The following PTPN4 variants were observed in gnomAD, a reference collection of about 807,000 sequenced individuals.
The protein encoded by PTPN4 is tyrosine-protein phosphatase non-receptor type 4.
In PTPN4, 49 loss-of-function variants were observed where a neutral mutation model predicts 135.5. The ratio of observed to expected loss-of-function variants is 0.36; its 90% confidence interval spans 0.29 to 0.46. The LOEUF (loss-of-function observed/expected upper bound fraction) is 0.46. Ranked by LOEUF, PTPN4 falls within the 20% of genes least tolerant of loss-of-function variation. PTPN4 has a pLI of 1.00. For missense variants in PTPN4, 860 were observed against 1,101.0 expected, an observed-to-expected ratio of 0.78 and a Z score of 3.10; for synonymous variants, 333 against 369.9, an observed-to-expected ratio of 0.90 and a Z score of 1.14.
At chr2:119,915,382 CTTG>C (rs1237261525) in intron 11 of PTPN4, 140 bp downstream of exon 11, 1 of 559,668 alleles carries the variant, frequency 1.8e-6, no homozygotes, top group Non-Finnish European at 2.9e-6. Flanking sequence ...AATGAATTCA[CTTG>C]TTATAACAAA....
intron 10 of PTPN4, among the ~76,000 whole-genome samples, chr2:119,904,521 G>A (rs770066393): frequency 3.3e-5 from 5 of 151,874 alleles, no homozygotes; most frequent in Non-Finnish European, 5.9e-5. Context: ...CTTGCAAGAC[G>A]TAGAGACGTT....
intron 1 of PTPN4, among the ~76,000 whole-genome samples, chr2:119,776,565 C>T (rs1013260189): frequency 3.9e-5 from 6 of 152,074 alleles, no homozygotes; most frequent in African/African-American, 1.4e-4. Flanking sequence ...GCCTGCCTCT[C>T]CTGCTTCCCC....
chr2:119,949,692 A>G (rs533679885), intron 18 of PTPN4, among the ~76,000 whole-genome samples: 1 of 152,218 alleles, frequency 6.6e-6, no homozygotes, highest in Admixed American at 6.5e-5. Context: ...AAAATTTTTA[A>G]ATTCACCAGA....
At chr2:119,790,344 A>G (rs1300583647) in intron 1 of PTPN4, among the ~76,000 whole-genome samples, 1 of 151,984 alleles carries the variant, frequency 6.6e-6, no homozygotes, top group Non-Finnish European at 1.5e-5. Flanking sequence ...TCTCCCTTCA[A>G]TTCTGTCAGT....
intron 2 of PTPN4, among the ~76,000 whole-genome samples, chr2:119,836,853 G>A (rs1370991590): frequency 6.6e-6 from 1 of 152,212 alleles, no homozygotes; most frequent in Admixed American, 6.5e-5. Context: ...TTCTGCCTCG[G>A]CCCCCTCTGG....
intron 10 of PTPN4, among the ~76,000 whole-genome samples, chr2:119,910,905 C>T (rs940259508): frequency 6.6e-5 from 10 of 152,038 alleles, no homozygotes; most frequent in African/African-American, 2.4e-4. Flanking sequence ...TGGACTAATA[C>T]AAGTACCATT....
chr2:119,787,923 G>A (rs867484356), intron 1 of PTPN4, among the ~76,000 whole-genome samples: 22 of 152,258 alleles, frequency 1.4e-4, no homozygotes, highest in Middle Eastern at 3.4e-3. Context: ...ACTAGTATTA[G>A]ACATTTTAGG....
At chr2:119,803,025 G>A (rs887845716) in intron 1 of PTPN4, among the ~76,000 whole-genome samples, 3 of 152,138 alleles carry the variant, frequency 2.0e-5, no homozygotes, top group Non-Finnish European at 4.4e-5. Flanking sequence ...TGGTTGCAAA[G>A]TCTATGTGGT....
intron 22 of PTPN4, 148 bp downstream of exon 22, chr2:119,957,225 A>G (rs2105056189): frequency 1.3e-6 from 1 of 749,484 alleles, no homozygotes; most frequent in East Asian, 2.8e-5. Context: ...TAAAGAAAAT[A>G]TTTTGGTACT....
intron 1 of PTPN4, among the ~76,000 whole-genome samples, chr2:119,776,734 C>T (rs182530255): frequency 6.6e-6 from 1 of 152,226 alleles, no homozygotes; most frequent in Admixed American, 6.5e-5. Context: ...ATTTTCTCTT[C>T]GTTAGGATTC....
rs939884414 is a variant in PTPN4, at chr2:119,980,904, T to A, written c.*3834T>A. The A allele has an allele frequency of 1.3e-5, 2 of 152,062 alleles. No homozygotes were observed. The highest frequency in any genetic ancestry group is 2.9e-5 in the Non-Finnish European group (2 of 67,922). The allele number at this position is 152,062 out of a possible 1,614,324, so 9.4% of individuals were successfully genotyped here. On this transcript the variant is annotated 3_prime_UTR_variant, in exon 27 of 27. Coordinates refer to ENST00000263708, the MANE Select transcript of PTPN4 (RefSeq NM_002830.4). ...ACATAGAACTAAGATTTAGAATATA[T>A]GTCCATTTATAATGAAATAATTTGT...
At position 119,944,893 on chromosome 2, in the gene PTPN4, A is replaced by C. The variant is rs1437806639; in HGVS notation, c.1356-188A>C. On this transcript the variant is annotated intron_variant, in intron 15 of 26. Transcript: ENST00000263708. ...ATATTTTATTATATAATTGTTTATA[A>C]ATTTGATAAAGTAGGAAATTAGATT... is the stretch of plus-strand genomic sequence containing the variant. Among the ~76,000 whole-genome samples the C allele has an allele frequency of 5.3e-5, 8 of 152,234 alleles. No homozygotes were observed. The East Asian group carries it at 1.5e-3, about 29-fold the overall frequency.
chr2:119,943,587 T>TC (rs1337133913), intron 15 of PTPN4, among the ~76,000 whole-genome samples: 27 of 126,500 alleles, frequency 2.1e-4, no homozygotes, highest in Non-Finnish European at 2.4e-4. Context: ...TTTCTTTTTT[T>TC]TTTTTTTTTT....
At chr2:119,928,548 G>A (rs115533884) in intron 13 of PTPN4, among the ~76,000 whole-genome samples, 249 of 152,106 alleles carry the variant, frequency 1.6e-3, no homozygotes, top group African/African-American at 5.7e-3. Flanking sequence ...TGGACCAAAC[G>A]GTGTCATGAG....
intron 2 of PTPN4, among the ~76,000 whole-genome samples, chr2:119,835,220 TG>T (rs1223946648): frequency 6.6e-6 from 1 of 152,208 alleles, no homozygotes; most frequent in Non-Finnish European, 1.5e-5. Flanking sequence ...AGTCTCACTC[TG>T]TCGCTCAGGC....
At chr2:119,883,496 T>A (rs534866066) in intron 8 of PTPN4, among the ~76,000 whole-genome samples, 11 of 152,272 alleles carry the variant, frequency 7.2e-5, no homozygotes, top group South Asian at 6.2e-4. Context: ...TCAAAAGAGA[T>A]TTGTTGCCTT....
chr2:119,855,440 C>A (rs1177616985), intron 2 of PTPN4, among the ~76,000 whole-genome samples: 1 of 152,098 alleles, frequency 6.6e-6, no homozygotes, highest in African/African-American at 2.4e-5. Context: ...CTTGAAGGGA[C>A]GGTTCTAAGT....
chr2:119,853,543 TA>T (rs1677628778), intron 2 of PTPN4, among the ~76,000 whole-genome samples: 1 of 152,110 alleles, frequency 6.6e-6, no homozygotes, highest in South Asian at 2.1e-4. Flanking sequence ...TGAGTACATA[TA>T]AAAACCTTAT....
chr2:119,783,501 T>C (rs752500687), intron 1 of PTPN4, among the ~76,000 whole-genome samples: 1 of 152,216 alleles, frequency 6.6e-6, no homozygotes, highest in Non-Finnish European at 1.5e-5. Flanking sequence ...TTACAAATAG[T>C]AATGTGTCTT....
Sources: gnomAD v4.1 joint callset for allele counts (sites outside exome capture counted in the v4.1 genomes callset) on GRCh38, gnomAD v4.1.1 for gene constraint, MANE v1.5 for transcripts, NCBI Gene and HGNC (gene_info 2026-07-23, HGNC 2026-07-21) for gene names.